NTF3: variants seen among roughly 807,000 people sequenced by gnomAD.
The protein encoded by NTF3 is neurotrophin-3.
NTF3 carries 8 observed loss-of-function variants against 26.3 expected under a neutral mutation model. The observed-to-expected ratio is 0.30, with a 90% confidence interval of 0.18 to 0.55. The LOEUF (loss-of-function observed/expected upper bound fraction) is 0.55. NTF3 is among the 20% of genes least tolerant of loss of function. The pLI is 0.93. For missense variants in NTF3, 276 were observed against 352.9 expected (o/e 0.78, Z 1.75); for synonymous variants, 154 against 145.5 (o/e 1.06, Z -0.42).
In NTF3 at chr12:5,432,310, G is replaced by A. The variant is rs751100136; in HGVS notation, c.-15G>A. On this transcript the variant is annotated 5_prime_UTR_variant, in exon 1 of 2. Transcript: ENST00000423158. ...TCTTCATGTCGACGTCCCTGGAAAC[G>A]GCCACACGGATGCCATGGTTACTTT... 2 of 1,613,348 alleles carry A rather than the reference G, an allele frequency of 1.2e-6. No individual in the cohort carries two copies. The highest frequency in any genetic ancestry group is 2.2e-5 in the East Asian group (1 of 44,830).
At chr12:5,472,174 A>G (rs1940673109) in intron 1 of NTF3, among the ~76,000 whole-genome samples, 1 of 152,112 alleles carries the variant, frequency 6.6e-6, no homozygotes, top group Non-Finnish European at 1.5e-5. Context: ...ACACACTGAC[A>G]TTACCCTCAT....
Position 5,456,822 on chromosome 12 carries a change from G to C in NTF3, c.18+24480G>C, listed in dbSNP as rs1454999783. 6.6e-6 allele frequency among the ~76,000 whole-genome samples: 1 copy of C among 152,220 alleles called. No homozygotes were observed. The highest frequency in any genetic ancestry group is 2.4e-5 in the African/African-American group (1 of 41,448). On this transcript the variant is annotated intron_variant, in intron 1 of 1. Coordinates refer to ENST00000423158, the MANE Select transcript of NTF3 (RefSeq NM_001102654.2). The surrounding 1 kb of genome is among the most constrained non-coding windows in gnomAD (Gnocchi z 4.4). ...CAGGGAAGCAGAGCAAGCTCCCGTA[G>C]GTCAAGTGATTTGGGCCCGAGTTGA... is the stretch of plus-strand genomic sequence containing the variant.
At position 5,433,497 on chromosome 12, in the gene NTF3, T is replaced by C. The variant is rs1001724883; in HGVS notation, c.18+1155T>C. 2.6e-5 allele frequency among the ~76,000 whole-genome samples: 4 copies of C among 151,848 alleles called. No individual in the cohort carries two copies. Among genetic ancestry groups the C allele is most frequent in the Admixed American group, 2.6e-4 (4 of 15,260 alleles). ...GGATGGGGGAGTAGGATTCTGCTTGTTGCTCTCCGCGGGAGTGGGTGCGCG... is the reference window on the plus strand; with the variant it reads ...GGATGGGGGAGTAGGATTCTGCTTGCTGCTCTCCGCGGGAGTGGGTGCGCG... On this transcript the variant is annotated intron_variant, in intron 1 of 1. Coordinates refer to ENST00000423158, the MANE Select transcript of NTF3 (RefSeq NM_001102654.2). The surrounding 1 kb of genome is among the most constrained non-coding windows in gnomAD (Gnocchi z 4.6).
intron 1 of NTF3, among the ~76,000 whole-genome samples, chr12:5,442,247 T>G (rs1940246659): frequency 6.6e-6 from 1 of 152,224 alleles, no homozygotes; most frequent in Admixed American, 6.5e-5. Flanking sequence ...AGAATCCTCT[T>G]GGTTCAGGAG....
chr12:5,459,049 C>T (rs764690260), intron 1 of NTF3, among the ~76,000 whole-genome samples: 1 of 152,204 alleles, frequency 6.6e-6, no homozygotes. Flanking sequence ...ACTGTAACAA[C>T]GAAGCCTGGA....
At chr12:5,452,672 C>T (rs1454789314) in intron 1 of NTF3, among the ~76,000 whole-genome samples, 8 of 152,128 alleles carry the variant, frequency 5.3e-5, no homozygotes, top group Non-Finnish European at 4.4e-5. Context: ...AGTGGGGAGC[C>T]GGGGCTGATG....
chr12:5,445,023 CTTCT>C (rs1940286470), intron 1 of NTF3, among the ~76,000 whole-genome samples: 1 of 152,090 alleles, frequency 6.6e-6, no homozygotes, highest in Non-Finnish European at 1.5e-5. Flanking sequence ...GTGGGGAGGA[CTTCT>C]GAAACTTTTT....
rs200821092 is a variant in NTF3, at chr12:5,494,603, C to A, written c.428C>A (p.Ala143Glu). Residue 143 changes from alanine (A) to glutamate (E), a missense_variant, in exon 2 of 2, where the codon GCG (alanine) becomes GAG (glutamate). By Grantham distance (107) the Ala-to-Glu change is moderately radical. Around this residue, in one of 3 missense-constraint regions of NTF3, gnomAD observed 221 missense variants for 258.2 expected, o/e 0.86. Coordinates refer to ENST00000423158, the MANE Select transcript of NTF3 (RefSeq NM_001102654.2). The surrounding 1 kb of genome is among the most constrained non-coding windows in gnomAD (Gnocchi z 8.3). ...GATTACGTGGGCAGCCCCGTGGTGG[C>A]GAACAGAACATCACGGCGGAAACGG... ...MEDYVGSPVV[A>E]NRTSRRKRYA... is the part of the protein sequence containing the mutation. The A allele has an allele frequency of 1.3e-5, 21 of 1,613,918 alleles. No homozygotes were observed. The Middle Eastern group carries it at 6.6e-4, about 51-fold the overall frequency.
chr12:5,442,734 A>T (rs186286776), intron 1 of NTF3, among the ~76,000 whole-genome samples: 6 of 152,290 alleles, frequency 3.9e-5, no homozygotes, highest in Admixed American at 3.3e-4. Flanking sequence ...TTTAGAAGGG[A>T]GCCTTCAAAA....
intron 1 of NTF3, among the ~76,000 whole-genome samples, chr12:5,464,784 A>G (rs1940568230): frequency 6.6e-6 from 1 of 152,166 alleles, no homozygotes. Context: ...GTAAATTATG[A>G]TTATATGAAT....
In NTF3 at chr12:5,457,728, AG is replaced by A. The variant is rs768467510; in HGVS notation, c.18+25390del. Among the ~76,000 whole-genome samples the A allele has an allele frequency of 6.8e-4, 104 of 152,334 alleles. 1 individual carries two copies. The highest frequency in any genetic ancestry group is 1.7e-3 in the South Asian group (8 of 4,830). ...AAACTCAGTGTATGCTAAGCTGAACAGGGGCTCCTTTTGTGCCCCAAACTTT... is the reference window on the plus strand; with the variant it reads ...AAACTCAGTGTATGCTAAGCTGAACAGGGCTCCTTTTGTGCCCCAAACTTT... On this transcript the variant is annotated intron_variant, in intron 1 of 1. Transcript: ENST00000423158.
At chr12:5,447,539 A>G (rs1465027434) in intron 1 of NTF3, among the ~76,000 whole-genome samples, 3 of 152,244 alleles carry the variant, frequency 2.0e-5, no homozygotes, top group Non-Finnish European at 4.4e-5. Context: ...CAATCACTGT[A>G]CGCACAACCT....
At chr12:5,467,567 A>G (rs1940609365) in intron 1 of NTF3, among the ~76,000 whole-genome samples, 1 of 152,222 alleles carries the variant, frequency 6.6e-6, no homozygotes, top group Admixed American at 6.5e-5. Context: ...TTACAAAAGC[A>G]GCAGAAATTT....
chr12:5,459,020 T>G (rs1267438095), intron 1 of NTF3, among the ~76,000 whole-genome samples: 1 of 152,190 alleles, frequency 6.6e-6, no homozygotes, highest in African/African-American at 2.4e-5. Context: ...GCCCTAGAAC[T>G]GGGGGCCGGG....
intron 1 of NTF3, among the ~76,000 whole-genome samples, chr12:5,448,791 A>G (rs866268436): frequency 2.9e-4 from 44 of 152,196 alleles, no homozygotes; most frequent in African/African-American, 1.1e-3. Flanking sequence ...TATGTGTGCT[A>G]TTACTAGAAG....
chr12:5,434,981 G>A (rs534217881), intron 1 of NTF3, among the ~76,000 whole-genome samples: 8 of 152,286 alleles, frequency 5.3e-5, no homozygotes, highest in Admixed American at 2.0e-4. Flanking sequence ...CATTTGCAGG[G>A]AAGGACACCG....
At chr12:5,431,583 T>G (rs1055093379), upstream of NTF3, among the ~76,000 whole-genome samples, 69 of 133,538 alleles carry the variant, frequency 5.2e-4, no homozygotes, top group Non-Finnish European at 6.6e-4. Context: ...TGGTAGGGGG[T>G]GGGGAGAGAT....
chr12:5,453,422 C>T (rs762273904), intron 1 of NTF3, among the ~76,000 whole-genome samples: 1 of 152,150 alleles, frequency 6.6e-6, no homozygotes, highest in Non-Finnish European at 1.5e-5. Flanking sequence ...CTCTGGCTTC[C>T]AGATCTGCCC....
At chr12:5,439,954 GT>G (rs1184045685) in intron 1 of NTF3, among the ~76,000 whole-genome samples, 1 of 152,198 alleles carries the variant, frequency 6.6e-6, no homozygotes, top group Non-Finnish European at 1.5e-5. Flanking sequence ...TCCCCAGGCT[GT>G]GTTTGATGCA....
Sources: gnomAD v4.1 joint callset for allele counts (sites outside exome capture counted in the v4.1 genomes callset) on GRCh38, gnomAD v4.1.1 for gene constraint, gnomAD v4.1.1 regional missense constraint, Gnocchi (gnomAD v3.1) non-coding constraint, MANE v1.5 for transcripts, NCBI Gene and HGNC (gene_info 2026-07-23, HGNC 2026-07-21) for gene names.